The following LIAS variants were observed in gnomAD, a reference collection of about 807,000 sequenced individuals.
LIAS encodes lipoyl synthase, mitochondrial.
LIAS carries 36 observed loss-of-function variants against 49.4 expected under a neutral mutation model. The observed-to-expected ratio is 0.73, with a 90% CI of 0.56 to 0.96. The LOEUF is 0.96. Ranked by LOEUF, LIAS falls within the 40% of genes least tolerant of loss-of-function variation. The probability of loss-of-function intolerance (pLI) is 0.00; values close to 1 mark genes in which losing one functional copy is unlikely to be tolerated. For synonymous variants in LIAS, 145 were observed against 155.8 expected (o/e 0.93, Z 0.52); for missense variants, 399 against 456.3 (o/e 0.87, Z 1.14).
Position 39,477,126 on chromosome 4 carries a change from A to G in LIAS, c.*11A>G. ...ACAAAAGACCTCTAAAACTTCAACA[A>G]GACCTTCAAGATCACAGAAATTTTT... On this transcript the variant is annotated 3_prime_UTR_variant, in exon 11 of 11. Transcript: ENST00000640888. 6.3e-7 allele frequency: 1 copy of G among 1,588,744 alleles called. No individual in the cohort carries two copies. The highest frequency in any genetic ancestry group is 2.2e-5 in the East Asian group (1 of 44,616).
chr4:39,472,124 T>C (rs897504637), intron 9 of LIAS, among the ~76,000 whole-genome samples: 20 of 150,250 alleles, frequency 1.3e-4, no homozygotes, highest in South Asian at 4.2e-4. Context: ...CACACACATA[T>C]ACACACACAC....
In LIAS at chr4:39,471,241, C is replaced by T. The variant is rs1744968434; in HGVS notation, c.889C>T (p.Arg297Cys). The stretch of plus-strand genomic sequence containing the variant: ...TTGTGCTTTTCTTCCTACAGCACTT[C>T]GTGAGGCAGATGTAGACTGCTTGAC... Reference protein sequence around the residue: ...EQVYATMKALREADVDCLTLG... With the variant: ...EQVYATMKALCEADVDCLTLG... Residue 297 changes from arginine (R) to cysteine (C), a missense_variant, in exon 9 of 11, where the codon CGT (arginine) becomes TGT (cysteine). By Grantham distance (180) the Arg-to-Cys change is radical. Transcript: ENST00000640888. 7.5e-6 allele frequency: 12 copies of T among 1,608,244 alleles called. No individual in the cohort carries two copies. Among genetic ancestry groups the T allele is most frequent in the Admixed American group, 1.7e-5 (1 of 59,882 alleles).
At chr4:39,473,568 A>G (rs1035416613) in intron 10 of LIAS, 4 of 163,030 alleles carry the variant, frequency 2.5e-5, no homozygotes, top group African/African-American at 9.6e-5. Flanking sequence ...TGAGAAATAC[A>G]TATTTATTTG....
intron 8 of LIAS, 56 bp downstream of exon 8, chr4:39,470,220 A>C: frequency 6.7e-7 from 1 of 1,483,734 alleles, no homozygotes; most frequent in Non-Finnish European, 9.2e-7. Flanking sequence ...AATAGCAGGA[A>C]CCCACTCACT....
At chr4:39,466,668 C>T (rs1016456491) in intron 6 of LIAS, 1 of 151,828 alleles carries the variant, frequency 6.6e-6, no homozygotes, top group Non-Finnish European at 1.5e-5. Flanking sequence ...TTTAAAGTTA[C>T]AGTGAGCTAT....
In LIAS at chr4:39,473,159, T is replaced by G. The variant is rs773468122; in HGVS notation, c.1014T>G (p.Leu338=). 3 of 1,613,426 alleles carry G rather than the reference T, an allele frequency of 1.9e-6. No individual in the cohort carries two copies. Among genetic ancestry groups the G allele is most frequent in the Admixed American group, 3.3e-5 (2 of 60,024 alleles). The part of the protein sequence containing the change: ...FKYWEKVGNE[L]GFHYTASGPL... ...ACTGGGAAAAAGTAGGAAATGAACT[T>G]GGATTTCATTATACTGCAAGTGGCC... The change falls in exon 10 of 11, where the codon CTT becomes CTG. Residue 338 remains leucine (L), a synonymous_variant. Transcript: ENST00000640888.
Position 39,464,865 on chromosome 4 carries a change from C to A in LIAS, c.394-181C>A, listed in dbSNP as rs538681250. ...TTCTTATTGCTGAGTTTATTATTTC[C>A]CTTTTTAGTTTTATCACATATATTT... On this transcript the variant is annotated intron_variant, in intron 4 of 10. Coordinates refer to ENST00000640888, the MANE Select transcript of LIAS (RefSeq NM_006859.4). Among the ~76,000 whole-genome samples the A allele has an allele frequency of 6.6e-5, 10 of 152,258 alleles. No homozygotes were observed. The South Asian group carries it at 1.2e-3, about 19-fold the overall frequency.
At chr4:39,462,901 C>T (rs2109871598) in intron 3 of LIAS, among the ~76,000 whole-genome samples, 1 of 152,328 alleles carries the variant, frequency 6.6e-6, no homozygotes, top group African/African-American at 2.4e-5. Flanking sequence ...GCTGGAGAAT[C>T]ACTTGAGCTT....
At chr4:39,469,871 C>T (rs867447239) in intron 7 of LIAS, 148 bp from the exon 8 acceptor site, 1 of 566,806 alleles carries the variant, frequency 1.8e-6, no homozygotes, top group Middle Eastern at 3.0e-4. Flanking sequence ...CCTAAATTAA[C>T]AGGCATCTGT....
At chr4:39,476,568 G>A (rs1362216681) in intron 10 of LIAS, 1 of 152,890 alleles carries the variant, frequency 6.5e-6, no homozygotes, top group East Asian at 1.9e-4. Flanking sequence ...TGGGGAGAAA[G>A]CCCATTACAA....
At chr4:39,476,430 G>A (rs1166686090) in intron 10 of LIAS, 1 of 152,326 alleles carries the variant, frequency 6.6e-6, no homozygotes, top group African/African-American at 2.4e-5. Context: ...CAGGCCTCTA[G>A]TGCTGCACTC....
chr4:39,467,364 C>A (rs886395727), intron 6 of LIAS, 154 bp from the exon 7 acceptor site: 61 of 532,804 alleles, frequency 1.1e-4, no homozygotes, highest in African/African-American at 9.9e-4. Context: ...AATAATGGTT[C>A]ATGTATGAAC....
rs1047986049 is a variant in LIAS, at chr4:39,459,901, A to G, written c.45+739A>G. Among the ~76,000 whole-genome samples, 3 of 151,512 alleles carry G rather than the reference A, an allele frequency of 2.0e-5. No individual in the cohort carries two copies. The South Asian group carries it at 6.2e-4, about 32-fold the overall frequency. ...CTTGAACCCGCGAGGCGGAGGTTGC[A>G]GTGAGCCGAGATCGCGCAACTGCAC... On this transcript the variant is annotated intron_variant, in intron 1 of 10. Transcript: ENST00000640888.
At chr4:39,467,395 C>T in intron 6 of LIAS, 123 bp from the exon 7 acceptor site, 16 of 883,298 alleles carry the variant, frequency 1.8e-5, no homozygotes, top group South Asian at 8.5e-5. Flanking sequence ...TCATACTTTT[C>T]TTGACAAAGT....
chr4:39,471,325 G>GTT lies in LIAS; in HGVS notation c.954+19_954+20insTT. On this transcript the variant is annotated intron_variant, in intron 9 of 10. Transcript: ENST00000640888. Reference sequence around the variant, plus strand: ...CCTTAAGGTACATGTATCTTGATTTGCTTTTTTTTTTTTTTTTTATTTTTA... The same window carrying GTT: ...CCTTAAGGTACATGTATCTTGATTTGTTCTTTTTTTTTTTTTTTTTATTTTTA... 7.5e-7 allele frequency: 1 copy of GTT among 1,331,454 alleles called. No individual in the cohort carries two copies. Among genetic ancestry groups the GTT allele is most frequent in the South Asian group, 1.5e-5 (1 of 66,176 alleles). The allele number at this position is 1,331,454 out of a possible 1,614,324, so 82.5% of individuals were successfully genotyped here.
intron 10 of LIAS, chr4:39,475,507 A>ATT (rs1745164412): frequency 2.0e-5 from 3 of 152,160 alleles, no homozygotes; most frequent in Admixed American, 2.0e-4. Context: ...AAATTAGACA[A>ATT]ATTCTATTTG....
chr4:39,467,374 C>A, intron 6 of LIAS, 144 bp from the exon 7 acceptor site: 8 of 617,914 alleles, frequency 1.3e-5, no homozygotes, highest in Non-Finnish European at 1.7e-5. Context: ...CATGTATGAA[C>A]ATCTGTATGT....
chr4:39,461,148 C>T (rs1183742965), intron 2 of LIAS, among the ~76,000 whole-genome samples, 186 bp downstream of exon 2: 3 of 152,134 alleles, frequency 2.0e-5, no homozygotes, highest in Non-Finnish European at 4.4e-5. Context: ...GAATCTTTCT[C>T]TTTTCTCTTG....
chr4:39,465,427 T>G (rs184283532), intron 6 of LIAS, 85 bp downstream of exon 6: 132 of 1,147,458 alleles, frequency 1.2e-4, no homozygotes, highest in Admixed American at 1.8e-4. Flanking sequence ...GAAACAGGGA[T>G]TATTCACTTT....
Sources: allele counts gnomAD v4.1 joint callset (sites outside exome capture counted in the v4.1 genomes callset), GRCh38; gene constraint gnomAD v4.1.1; transcripts MANE v1.5; gene names NCBI Gene and HGNC (gene_info 2026-07-23, HGNC 2026-07-21).